TPGS2: variants seen among roughly 807,000 people sequenced by gnomAD.
TPGS2 encodes the protein tubulin polyglutamylase complex subunit 2.
In TPGS2, 26 loss-of-function variants were observed where a neutral mutation model predicts 31.1. The observed-to-expected ratio is 0.84, with a 90% CI of 0.61 to 1.16. TPGS2 has a LOEUF of 1.16. Among genes scored for constraint, TPGS2 ranks in the 50% most tolerant of loss-of-function variants. The pLI, the probability that TPGS2 is intolerant of heterozygous loss-of-function variation, is 0.00. For missense variants in TPGS2, 351 were observed against 363.8 expected, an observed-to-expected ratio of 0.96 and a Z score of 0.29; for synonymous variants, 130 against 136.6, an observed-to-expected ratio of 0.95 and a Z score of 0.34.
chr18:36,823,983 CAG>C (rs2046022404), intron 1 of TPGS2: 1 of 515,426 alleles, frequency 1.9e-6, no homozygotes, highest in Non-Finnish European at 2.5e-6. Flanking sequence ...TTTTTATATT[CAG>C]AGTTATGCAT....
At chr18:36,782,301 C>T (rs1026874772), downstream of TPGS2, among the ~76,000 whole-genome samples, 1 of 152,140 alleles carries the variant, frequency 6.6e-6, no homozygotes, top group Admixed American at 6.5e-5. Context: ...TTGCTTTCAG[C>T]TAAGTAAAAA....
rs1600740309 is a variant in TPGS2 at position 36,795,798 on chromosome 18, C to T, written c.*1007G>A. Reference sequence around the variant, plus strand: ...GGAGACTGCTTGTCCTAAGGATGGCCAGGGACCAGGCAAAGTGAGGCTGGA... The same window carrying T: ...GGAGACTGCTTGTCCTAAGGATGGCTAGGGACCAGGCAAAGTGAGGCTGGA... On this transcript the variant is annotated 3_prime_UTR_variant, in exon 7 of 7. Transcript: ENST00000334295. The T allele has an allele frequency of 1.0e-6, 1 of 985,260 alleles. No homozygotes were observed. Among genetic ancestry groups the T allele is most frequent in the East Asian group, 1.1e-4 (1 of 8,814 alleles). The allele number at this position is 985,260 out of a possible 1,614,324, so 61.0% of individuals were successfully genotyped here. A position where few individuals can be genotyped will look rare whatever the true frequency, so the allele number is the denominator to read the frequency against.
chr18:36,823,942 C>A (rs946292775), intron 1 of TPGS2: 12 of 757,012 alleles, frequency 1.6e-5, no homozygotes, highest in Non-Finnish European at 1.9e-5. Context: ...TTTACTGAGA[C>A]ATAATTCGCA....
At chr18:36,800,848 C>G (rs2044776775) in intron 4 of TPGS2, among the ~76,000 whole-genome samples, 1 of 152,200 alleles carries the variant, frequency 6.6e-6, no homozygotes, top group Non-Finnish European at 1.5e-5. Context: ...TGCCACCACG[C>G]CTGGCTAATT....
At chr18:36,780,061 G>T (rs981930610), downstream of TPGS2, 10 of 1,025,946 alleles carry the variant, frequency 9.7e-6, no homozygotes, top group Non-Finnish European at 1.3e-5. Context: ...ATGCCATAAT[G>T]AGAAACTTTT....
chr18:36,797,124 T>C (rs1440507449), intron 6 of TPGS2, 74 bp from the exon 7 acceptor site: 17 of 1,572,658 alleles, frequency 1.1e-5, no homozygotes, highest in Non-Finnish European at 1.5e-5. Context: ...TTTTGTGGGA[T>C]GCAGGAGAGT....
At chr18:36,784,791 G>A (rs2044092432) in intron 6 of TPGS2, among the ~76,000 whole-genome samples, 1 of 152,144 alleles carries the variant, frequency 6.6e-6, no homozygotes, top group African/African-American at 2.4e-5. Context: ...GATATATACT[G>A]GCTTGTCTCA....
rs564884506 is a variant in TPGS2 at position 36,824,611 on chromosome 18, C to T, written c.85+4072G>A. Among the ~76,000 whole-genome samples the T allele has an allele frequency of 5.3e-5, 8 of 152,306 alleles. No individual in the cohort carries two copies. The South Asian group carries it at 1.7e-3, about 32-fold the overall frequency. Reference sequence around the variant, plus strand: ...CATTATGGTTTTGATTTGTATTTCCCTAATGGCTAATGGTGATAATCATCT... The same window carrying T: ...CATTATGGTTTTGATTTGTATTTCCTTAATGGCTAATGGTGATAATCATCT... On this transcript the variant is annotated intron_variant, in intron 1 of 6. Coordinates refer to ENST00000334295, the MANE Select transcript of TPGS2 (RefSeq NM_015476.4).
chr18:36,827,835 ATTTG>A (rs996037545), intron 1 of TPGS2, among the ~76,000 whole-genome samples: 32 of 152,038 alleles, frequency 2.1e-4, no homozygotes, highest in East Asian at 7.7e-4. Flanking sequence ...TAGTGACCTC[ATTTG>A]TTTATTTTTT....
chr18:36,808,121 T>C (rs1458159554), intron 2 of TPGS2, among the ~76,000 whole-genome samples, 187 bp from the exon 3 acceptor site: 3 of 152,112 alleles, frequency 2.0e-5, no homozygotes, highest in African/African-American at 7.2e-5. Context: ...GTTTGCCTTT[T>C]TTTTCTTCAG....
intron 6 of TPGS2, chr18:36,788,865 C>T: frequency 6.6e-6 from 1 of 152,142 alleles, no homozygotes; most frequent in East Asian, 1.9e-4. Context: ...ATTTCTTGAA[C>T]AATTATTTCT....
chr18:36,784,929 G>A (rs1273981979), intron 6 of TPGS2, among the ~76,000 whole-genome samples: 1 of 152,140 alleles, frequency 6.6e-6, no homozygotes, highest in Non-Finnish European at 1.5e-5. Context: ...TGACTTGGGA[G>A]CCAGCCAGTC....
chr18:36,789,246 T>C (rs1228984604), downstream of TPGS2: 3 of 152,240 alleles, frequency 2.0e-5, no homozygotes. Flanking sequence ...TATTCTTTGT[T>C]GACTATAGCA....
chr18:36,807,644 A>T, intron 3 of TPGS2: 1 of 592,672 alleles, frequency 1.7e-6, no homozygotes, highest in East Asian at 2.8e-5. Context: ...CCATACTGCT[A>T]GACTGTCGTG....
intron 4 of TPGS2, among the ~76,000 whole-genome samples, 181 bp downstream of exon 4, chr18:36,805,193 T>C (rs1236340879): frequency 6.6e-6 from 1 of 152,150 alleles, no homozygotes; most frequent in African/African-American, 2.4e-5. Context: ...GAGGTAAAAA[T>C]GGAGAGGAAA....
At chr18:36,804,908 T>C (rs1211278060) in intron 4 of TPGS2, among the ~76,000 whole-genome samples, 2 of 152,196 alleles carry the variant, frequency 1.3e-5, no homozygotes, top group African/African-American at 4.8e-5. Flanking sequence ...AAAGCCCACC[T>C]TCCTCAACCA....
chr18:36,792,362 AT>A (rs1426834372), downstream of TPGS2, among the ~76,000 whole-genome samples: 3 of 152,228 alleles, frequency 2.0e-5, no homozygotes, highest in African/African-American at 7.2e-5. Flanking sequence ...TGGATGATGG[AT>A]ACATGGGGAT....
chr18:36,796,898 T>G lies in TPGS2; in HGVS notation c.810A>C (p.Ala270=), dbSNP rs151245757. ...GTCCTGAGGGCCCTTTCTGGCCACC[T>G]GCAGGCTGCACAGGCCCTTTCTTTT... is the stretch of plus-strand genomic sequence containing the variant. ...IPKKKGPVQP[A]GGQKGPSGPS... The change falls in exon 7 of 7, where the codon GCA becomes GCC. Residue 270 remains alanine (A), a synonymous_variant. Coordinates refer to ENST00000334295, the MANE Select transcript of TPGS2 (RefSeq NM_015476.4). 5,824 of 1,611,634 alleles carry G rather than the reference T, an allele frequency of 3.6e-3. 22 individuals carry two copies. Among genetic ancestry groups the G allele is most frequent in the Non-Finnish European group, 4.6e-3 (5,438 of 1,179,150 alleles).
Position 36,795,748 on chromosome 18 carries a change from T to C in TPGS2, c.*1057A>G. On this transcript the variant is annotated 3_prime_UTR_variant, in exon 7 of 7. Transcript: ENST00000334295. ...AGGCAACTTGCTTCCAAAGGAACTC[T>C]TGGAAGCCCACCCTGTTCTAAGCAG... 1.0e-6 allele frequency: 1 copy of C among 985,436 alleles called. No individual in the cohort carries two copies. The highest frequency in any genetic ancestry group is 1.2e-6 in the Non-Finnish European group (1 of 829,932). The allele number at this position is 985,436 out of a possible 1,614,324, so 61.0% of individuals were successfully genotyped here.
Sources: allele counts gnomAD v4.1 joint callset (sites outside exome capture counted in the v4.1 genomes callset), GRCh38; gene constraint gnomAD v4.1.1; transcripts MANE v1.5; gene names NCBI Gene and HGNC (gene_info 2026-07-23, HGNC 2026-07-21).